The following GPC6 variants were observed in gnomAD, a reference collection of about 807,000 sequenced individuals.
GPC6 encodes glypican-6.
A neutral mutation model predicts 55.2 loss-of-function variants in GPC6; 14 were observed. The observed-to-expected ratio is 0.25, with a 90% CI of 0.17 to 0.40. GPC6 has a LOEUF of 0.40. Ranked by LOEUF, GPC6 falls within the 10% of genes least tolerant of loss-of-function variation. The pLI is 1.00. For missense variants in GPC6, 641 were observed against 708.5 expected, an observed-to-expected ratio of 0.90 and a Z score of 1.08; for synonymous variants, 278 against 259.6, an observed-to-expected ratio of 1.07 and a Z score of -0.68.
chr13:93,390,209 TAGTTTTCCA>T (rs1875568617), intron 1 of GPC6, among the ~76,000 whole-genome samples: 2 of 152,008 alleles, frequency 1.3e-5, no homozygotes, highest in Admixed American at 1.3e-4. Flanking sequence ...CTAGAAGGTT[TAGTTTTCCA>T]AACTGCCTTG....
rs869307863 is a variant in GPC6, at chr13:94,097,506, C to CAAAAA, written c.877+69630_877+69634dup. On this transcript the variant is annotated intron_variant, in intron 4 of 8. Transcript: ENST00000377047. ...TGGGCCACAGAGCAAGACTCTGTCT[C>CAAAAA]AAAAAAAAAAAAAAAAAAAAAAGAG... Among the ~76,000 whole-genome samples the CAAAAA allele has an allele frequency of 7.3e-3, 508 of 69,428 alleles. 14 individuals carry two copies. The highest frequency in any genetic ancestry group is 0.019 in the African/African-American group (307 of 16,420). The allele number at this position is 69,428 out of a possible 152,430, so 45.5% of individuals were successfully genotyped here. A position where few individuals can be genotyped will look rare whatever the true frequency, so the allele number is the denominator to read the frequency against.
intron 1 of GPC6, among the ~76,000 whole-genome samples, chr13:93,446,941 T>A (rs186964252): frequency 1.3e-5 from 2 of 151,978 alleles, no homozygotes; most frequent in African/African-American, 4.8e-5. Context: ...AGCAGAAATA[T>A]AAAGTATTTT....
At chr13:93,782,423 A>G (rs1272816883) in intron 2 of GPC6, among the ~76,000 whole-genome samples, 1 of 151,982 alleles carries the variant, frequency 6.6e-6, no homozygotes, top group Non-Finnish European at 1.5e-5. Context: ...GTACTTGCTT[A>G]TTTCATTTTC....
intron 2 of GPC6, among the ~76,000 whole-genome samples, chr13:93,783,296 G>A (rs558099629): frequency 9.9e-4 from 151 of 152,162 alleles, no homozygotes; most frequent in Non-Finnish European, 1.7e-3. Context: ...TGCATCTATC[G>A]TTATAATAGA....
chr13:93,227,293 C>G lies in GPC6; in HGVS notation c.-164C>G, dbSNP rs547812807. ...CTGGCTTATAAAAGTTTGCTGAGCG[C>G]AGTCCAGAGGGCTGCGCTGCTCGTC... is the stretch of plus-strand genomic sequence containing the variant. On this transcript the variant is annotated 5_prime_UTR_variant, in exon 1 of 9. Coordinates refer to ENST00000377047, the MANE Select transcript of GPC6 (RefSeq NM_005708.5). This position sits in a 1 kb window ranked among gnomAD's most constrained non-coding sequence, Gnocchi z 4.3. 4 of 608,216 alleles carry G rather than the reference C, an allele frequency of 6.6e-6. No homozygotes were observed. In the Admixed American group the frequency reaches 1.2e-4, roughly 18 times the overall value. 37.7% of individuals were successfully genotyped at this position (608,216 alleles called of 1,614,324 possible). A position where few individuals can be genotyped will look rare whatever the true frequency, so the allele number is the denominator to read the frequency against.
At chr13:94,138,672 A>G (rs1887267070) in intron 4 of GPC6, among the ~76,000 whole-genome samples, 1 of 152,190 alleles carries the variant, frequency 6.6e-6, no homozygotes, top group Non-Finnish European at 1.5e-5. Context: ...TACCATGTGA[A>G]ATTTTACTAT....
intron 1 of GPC6, among the ~76,000 whole-genome samples, chr13:93,259,240 T>G (rs1815612225): frequency 6.6e-6 from 1 of 152,128 alleles, no homozygotes; most frequent in Non-Finnish European, 1.5e-5. Context: ...TGAGTTCTGT[T>G]CAAAAGGGAT....
intron 2 of GPC6, among the ~76,000 whole-genome samples, chr13:93,820,674 T>G (rs1887014619): frequency 6.6e-6 from 1 of 151,522 alleles, no homozygotes; most frequent in East Asian, 1.9e-4. Flanking sequence ...AAGTAGGGTT[T>G]TTTTTTTTTA....
At chr13:93,427,879 G>A (rs1566351593) in intron 1 of GPC6, among the ~76,000 whole-genome samples, 1 of 152,130 alleles carries the variant, frequency 6.6e-6, no homozygotes, top group Non-Finnish European at 1.5e-5. Context: ...TACACATGCA[G>A]GCTTGTAGAC....
intron 1 of GPC6, among the ~76,000 whole-genome samples, chr13:93,272,741 A>G (rs919670921): frequency 6.6e-6 from 1 of 152,154 alleles, no homozygotes; most frequent in African/African-American, 2.4e-5. Flanking sequence ...TATCACTGGC[A>G]ATAGCTGAGA....
At chr13:93,866,456 A>G (rs987195605) in intron 3 of GPC6, among the ~76,000 whole-genome samples, 4 of 151,778 alleles carry the variant, frequency 2.6e-5, no homozygotes, top group Admixed American at 6.6e-5. Flanking sequence ...TAGCAAAGAC[A>G]TGGAATCAAC....
intron 1 of GPC6, among the ~76,000 whole-genome samples, chr13:93,375,710 C>G (rs756442316): frequency 1.3e-5 from 2 of 152,170 alleles, no homozygotes; most frequent in Non-Finnish European, 2.9e-5. Context: ...TGGGCAGGGA[C>G]TCCTGGCAGC....
At chr13:93,232,753 C>T (rs1187846834) in intron 1 of GPC6, among the ~76,000 whole-genome samples, 3 of 152,018 alleles carry the variant, frequency 2.0e-5, no homozygotes, top group Non-Finnish European at 4.4e-5. Context: ...ATGAAATTTA[C>T]GAACACTTAT....
intron 4 of GPC6, among the ~76,000 whole-genome samples, chr13:94,143,576 T>C (rs1272106773): frequency 6.9e-6 from 1 of 145,914 alleles, no homozygotes; most frequent in East Asian, 2.0e-4. Flanking sequence ...TGGTTCCCAT[T>C]CCAGCCTGAA....
chr13:93,647,421 A>C (rs1389260061), intron 2 of GPC6, among the ~76,000 whole-genome samples: 1 of 152,164 alleles, frequency 6.6e-6, no homozygotes, highest in Non-Finnish European at 1.5e-5. Context: ...TGTCTATGGC[A>C]CAAGGTGGAA....
intron 4 of GPC6, among the ~76,000 whole-genome samples, chr13:94,132,025 C>T (rs1236198650): frequency 6.6e-6 from 1 of 152,150 alleles, no homozygotes; most frequent in Non-Finnish European, 1.5e-5. Context: ...CTGCCTGTTA[C>T]CTCGTTTGAC....
chr13:94,344,358 A>G lies in GPC6; in HGVS notation c.1153-38056A>G, dbSNP rs567124076. On this transcript the variant is annotated intron_variant, in intron 6 of 8. Coordinates refer to ENST00000377047, the MANE Select transcript of GPC6 (RefSeq NM_005708.5). ...GAATTAACAATGAATTAGGAAGGAAAAGCCCCTTGGAACCAAGGAAGGAGT... is the reference window on the plus strand; with the variant it reads ...GAATTAACAATGAATTAGGAAGGAAGAGCCCCTTGGAACCAAGGAAGGAGT... Among the ~76,000 whole-genome samples, 6 of 152,338 alleles carry G rather than the reference A, an allele frequency of 3.9e-5. No homozygotes were observed. The East Asian group carries it at 1.2e-3, about 29-fold the overall frequency.
At chr13:93,644,023 A>C (rs1353626159) in intron 2 of GPC6, among the ~76,000 whole-genome samples, 5 of 152,162 alleles carry the variant, frequency 3.3e-5, no homozygotes, top group Middle Eastern at 3.4e-3. Context: ...GTGGTAATTT[A>C]TCACTTTAAG....
At chr13:93,628,359 A>C (rs1344344549) in intron 2 of GPC6, among the ~76,000 whole-genome samples, 1 of 152,200 alleles carries the variant, frequency 6.6e-6, no homozygotes, top group African/African-American at 2.4e-5. Flanking sequence ...TGCAGGCACA[A>C]CTAATGAACT....
Sources: allele counts gnomAD v4.1 joint callset (sites outside exome capture counted in the v4.1 genomes callset), GRCh38; gene constraint gnomAD v4.1.1; non-coding constraint Gnocchi (gnomAD v3.1); transcripts MANE v1.5; gene names NCBI Gene and HGNC (gene_info 2026-07-23, HGNC 2026-07-21).